Variants in SLC44A5 observed in about 807,000 individuals in gnomAD.
SLC44A5 encodes solute carrier family 44 member 5.
Under a neutral mutation model 101.8 loss-of-function variants are expected in SLC44A5, and 57 were observed. The observed-to-expected ratio is 0.56, with a 90% CI of 0.45 to 0.70. The LOEUF (loss-of-function observed/expected upper bound fraction) is 0.70. Ranked by LOEUF, SLC44A5 falls within the 30% of genes least tolerant of loss-of-function variation. The pLI, the probability that SLC44A5 is intolerant of heterozygous loss-of-function variation, is 0.00. For synonymous variants in SLC44A5, 281 were observed against 290.9 expected, an observed-to-expected ratio of 0.97 and a Z score of 0.35; for missense variants, 737 against 853.1, an observed-to-expected ratio of 0.86 and a Z score of 1.70.
At chr1:75,265,222 T>C (rs1164770933) in intron 6 of SLC44A5, among the ~76,000 whole-genome samples, 1 of 152,020 alleles carries the variant, frequency 6.6e-6, no homozygotes, top group African/African-American at 2.4e-5. Flanking sequence ...TCCAGAAAAT[T>C]GGAGAGGAGA....
At chr1:75,304,295 T>G (rs1243750773) in intron 4 of SLC44A5, among the ~76,000 whole-genome samples, 1 of 7,316 alleles carries the variant, frequency 1.4e-4, no homozygotes, top group Non-Finnish European at 2.9e-4. Context: ...TTTAAATAGG[T>G]GTGTGTGTGT....
rs374835794 is a variant in SLC44A5, at chr1:75,203,199, T to C, written c.*528A>G. 6.6e-5 allele frequency: 10 copies of C among 152,310 alleles called. 1 individual carries two copies. Among genetic ancestry groups the C allele is most frequent in the African/African-American group, 2.2e-4 (9 of 41,572 alleles). The allele number at this position is 152,310 out of a possible 1,614,324, so 9.4% of individuals were successfully genotyped here. On this transcript the variant is annotated 3_prime_UTR_variant, in exon 24 of 24. Coordinates refer to ENST00000370859, the MANE Select transcript of SLC44A5 (RefSeq NM_001130058.2). ...GGGCTAAGTAGTAAAGGCTGGATGA[T>C]TGGCAATTTGTTTAAGAGGAAACAT... is the stretch of plus-strand genomic sequence containing the variant.
intron 6 of SLC44A5, among the ~76,000 whole-genome samples, chr1:75,255,600 G>C (rs1291132235): frequency 6.6e-6 from 1 of 151,970 alleles, no homozygotes; most frequent in Non-Finnish European, 1.5e-5. Flanking sequence ...AAAAATGGAA[G>C]GGATAAAAAT....
the SLC44A5 span, among the ~76,000 whole-genome samples, chr1:75,637,029 G>T: frequency 2.1e-3 from 319 of 152,116 alleles, 2 homozygotes; most frequent in African/African-American, 7.1e-3. Flanking sequence ...ATCATTAGCT[G>T]TATGTGACTA....
intron 2 of SLC44A5, among the ~76,000 whole-genome samples, chr1:75,423,908 T>A (rs1664157976): frequency 6.6e-6 from 1 of 152,228 alleles, no homozygotes; most frequent in Non-Finnish European, 1.5e-5. Flanking sequence ...GCTCAGGGTA[T>A]AAGCAGAAAA....
At chr1:75,584,235 G>A (rs1278775272) in intron 1 of SLC44A5, among the ~76,000 whole-genome samples, 1 of 152,200 alleles carries the variant, frequency 6.6e-6, no homozygotes, top group East Asian at 1.9e-4. Flanking sequence ...TGGAAATGGT[G>A]TAAGGCAAAG....
intron 1 of SLC44A5, among the ~76,000 whole-genome samples, chr1:75,583,094 C>A (rs1673790983): frequency 6.6e-6 from 1 of 152,160 alleles, no homozygotes; most frequent in South Asian, 2.1e-4. Context: ...GGAACGTCCC[C>A]TCCTGTCAGC....
chr1:75,674,909 T>C, the SLC44A5 span, among the ~76,000 whole-genome samples: 1 of 152,202 alleles, frequency 6.6e-6, no homozygotes, highest in Admixed American at 6.5e-5. Flanking sequence ...TTGTCGAATA[T>C]CAGATGGTTG....
At chr1:75,582,244 C>G (rs1673737704) in intron 1 of SLC44A5, 1 of 1,459,378 alleles carries the variant, frequency 6.9e-7, no homozygotes. Context: ...AGAAGCACAA[C>G]AAGAAGGGCC....
intron 4 of SLC44A5, among the ~76,000 whole-genome samples, chr1:75,313,029 G>A (rs539559165): frequency 6.6e-6 from 1 of 152,330 alleles, no homozygotes; most frequent in Admixed American, 6.5e-5. Context: ...TTCTATCTCA[G>A]TTAGATTTAT....
chr1:75,493,727 A>T (rs1433304582), intron 2 of SLC44A5, among the ~76,000 whole-genome samples: 1 of 152,234 alleles, frequency 6.6e-6, no homozygotes, highest in Non-Finnish European at 1.5e-5. Flanking sequence ...AAACCATCTC[A>T]GTAAGGATGT....
chr1:75,486,944 T>A (rs749786809), intron 2 of SLC44A5, among the ~76,000 whole-genome samples: 2 of 152,200 alleles, frequency 1.3e-5, no homozygotes, highest in African/African-American at 2.4e-5. Context: ...TGAATTTAGG[T>A]CATGTGAAGG....
At chr1:75,208,613 G>A (rs1526516) in intron 23 of SLC44A5, among the ~76,000 whole-genome samples, 17,536 of 152,192 alleles carry the variant, frequency 0.12, 1,260 homozygotes, top group Middle Eastern at 0.21. Flanking sequence ...AGACATAAAC[G>A]GAAACATGTT....
chr1:75,212,301 C>G (rs572196272), intron 22 of SLC44A5, among the ~76,000 whole-genome samples: 1 of 151,956 alleles, frequency 6.6e-6, no homozygotes, highest in African/African-American at 2.4e-5. Flanking sequence ...AAGTAACAAG[C>G]CTAGTATCCA....
chr1:75,504,631 CT>C (rs1424439130), intron 2 of SLC44A5, among the ~76,000 whole-genome samples: 1 of 151,860 alleles, frequency 6.6e-6, no homozygotes, highest in Non-Finnish European at 1.5e-5. Context: ...AAATATAAAT[CT>C]TTTATATAAA....
chr1:75,213,811 A>T lies in SLC44A5; in HGVS notation c.1874-18T>A, dbSNP rs78929216. 3.5e-3 allele frequency: 5,544 copies of T among 1,588,076 alleles called. 275 individuals carry two copies. In the East Asian group the frequency reaches 0.11, roughly 31 times the overall value. ...CAGAACACCTACATTGAAAAGGTAGAACATGTATATTATACTTTTGCAAAA... is the reference window on the plus strand; with the variant it reads ...CAGAACACCTACATTGAAAAGGTAGTACATGTATATTATACTTTTGCAAAA... On this transcript the variant is annotated intron_variant, in intron 21 of 23. Coordinates refer to ENST00000370859, the MANE Select transcript of SLC44A5 (RefSeq NM_001130058.2).
intron 3 of SLC44A5, among the ~76,000 whole-genome samples, chr1:75,388,752 C>A (rs554961954): frequency 6.6e-6 from 1 of 151,602 alleles, no homozygotes; most frequent in Admixed American, 6.6e-5. Context: ...GCACTCCAGC[C>A]TGGGCAACAG....
the SLC44A5 span, among the ~76,000 whole-genome samples, chr1:75,617,636 A>T: frequency 6.6e-6 from 1 of 152,230 alleles, no homozygotes; most frequent in Non-Finnish European, 1.5e-5. Flanking sequence ...CTCACAATGA[A>T]GATGTGCATC....
chr1:75,206,462 C>A (rs2100424534), intron 23 of SLC44A5: 1 of 589,732 alleles, frequency 1.7e-6, no homozygotes. Flanking sequence ...CATCAAATAC[C>A]TGACACCTCA....
Sources: allele counts gnomAD v4.1 joint callset (sites outside exome capture counted in the v4.1 genomes callset), GRCh38; gene constraint gnomAD v4.1.1; transcripts MANE v1.5; gene names NCBI Gene and HGNC (gene_info 2026-07-23, HGNC 2026-07-21).